The following ITGAE variants were observed in gnomAD, a reference collection of about 807,000 sequenced individuals.
ITGAE encodes integrin alpha-E.
ITGAE carries 99 observed loss-of-function variants against 136.5 expected under a neutral mutation model. That is an observed-to-expected ratio of 0.73 (90% CI 0.62 to 0.86). The LOEUF (loss-of-function observed/expected upper bound fraction) is 0.86, where lower values mean the gene tolerates loss of function less well. ITGAE is among the 40% of genes least tolerant of loss of function. The probability of loss-of-function intolerance (pLI) is 0.00; values close to 1 mark genes in which losing one functional copy is unlikely to be tolerated. For synonymous variants in ITGAE, 613 were observed against 591.8 expected (o/e 1.04, Z -0.52); for missense variants, 1,447 against 1,515.3 (o/e 0.95, Z 0.75).
rs1453350885 is a variant in ITGAE at position 3,798,583 on chromosome 17, G to A, written c.34+2528C>T. Among the ~76,000 whole-genome samples, 6 of 152,214 alleles carry A rather than the reference G, an allele frequency of 3.9e-5. No individual in the cohort carries two copies. Among genetic ancestry groups the A allele is most frequent in the African/African-American group, 1.4e-4 (6 of 41,454 alleles). On this transcript the variant is annotated intron_variant, in intron 1 of 30. Coordinates refer to ENST00000263087, the MANE Select transcript of ITGAE (RefSeq NM_002208.5). This position sits in a 1 kb window ranked among gnomAD's most constrained non-coding sequence, Gnocchi z 4.3. ...CAGTCTCCCACTCCCCAAGGACTGA[G>A]GTTTTCTATCACGCACAGGCCCGGG...
chr17:3,755,446 C>T (rs965848943), intron 11 of ITGAE, among the ~76,000 whole-genome samples, 185 bp from the exon 12 acceptor site: 1 of 152,212 alleles, frequency 6.6e-6, no homozygotes, highest in Non-Finnish European at 1.5e-5. Flanking sequence ...GCTCCTGCCT[C>T]GTGCCCTTGC....
At chr17:3,786,568 T>G (rs1431993499) in intron 1 of ITGAE, among the ~76,000 whole-genome samples, 2 of 152,000 alleles carry the variant, frequency 1.3e-5, no homozygotes, top group Non-Finnish European at 2.9e-5. Flanking sequence ...CTGCACAAAA[T>G]TCCAGTAAAT....
chr17:3,772,210 C>T (rs1218371301), intron 2 of ITGAE, among the ~76,000 whole-genome samples: 5 of 152,176 alleles, frequency 3.3e-5, no homozygotes, highest in African/African-American at 7.2e-5. Flanking sequence ...ACACCTGCCT[C>T]GATGCGCCCC....
At chr17:3,780,519 A>G (rs976915412) in intron 1 of ITGAE, among the ~76,000 whole-genome samples, 1 of 148,904 alleles carries the variant, frequency 6.7e-6, no homozygotes. Flanking sequence ...GCTAGTTTCG[A>G]ACTCCTGACC....
At chr17:3,775,286 A>G (rs1482491545) in intron 2 of ITGAE, among the ~76,000 whole-genome samples, 1 of 151,868 alleles carries the variant, frequency 6.6e-6, no homozygotes, top group African/African-American at 2.4e-5. Flanking sequence ...GCCTTTTTCA[A>G]CTCACGGTAT....
intron 14 of ITGAE, 75 bp downstream of exon 14, chr17:3,753,215 C>T: frequency 6.6e-7 from 1 of 1,526,378 alleles, no homozygotes; most frequent in Non-Finnish European, 8.9e-7. Flanking sequence ...CCAGGGCACT[C>T]CCAGCCTCCA....
chr17:3,771,988 C>G (rs1290869496), intron 2 of ITGAE, among the ~76,000 whole-genome samples: 1 of 130,980 alleles, frequency 7.6e-6, no homozygotes, highest in Non-Finnish European at 1.7e-5. Context: ...TCCAAACCCT[C>G]AGTGCCTGGG....
At chr17:3,781,076 A>C (rs2052656243) in intron 1 of ITGAE, among the ~76,000 whole-genome samples, 1 of 152,220 alleles carries the variant, frequency 6.6e-6, no homozygotes, top group Non-Finnish European at 1.5e-5. Context: ...ACTCATGTAC[A>C]TTATTCATTT....
At chr17:3,783,270 A>G (rs1269122500) in intron 1 of ITGAE, among the ~76,000 whole-genome samples, 1 of 152,160 alleles carries the variant, frequency 6.6e-6, no homozygotes, top group Non-Finnish European at 1.5e-5. Flanking sequence ...TCTCCGGAGT[A>G]GCTGGGATTA....
At chr17:3,746,366 C>G (rs762613318) in intron 17 of ITGAE, among the ~76,000 whole-genome samples, 1 of 152,120 alleles carries the variant, frequency 6.6e-6, no homozygotes, top group African/African-American at 2.4e-5. Flanking sequence ...ACCAGCTCAG[C>G]TAGGGAGAGA....
intron 18 of ITGAE, among the ~76,000 whole-genome samples, chr17:3,745,081 G>A (rs556722986): frequency 3.8e-4 from 58 of 152,082 alleles, no homozygotes; most frequent in Non-Finnish European, 6.6e-4. Context: ...TTTGAGTCCC[G>A]ACATACTTTT....
chr17:3,743,185 T>G (rs2051627034), intron 19 of ITGAE, among the ~76,000 whole-genome samples: 1 of 152,108 alleles, frequency 6.6e-6, no homozygotes. Context: ...CCAAGTGAGG[T>G]CCCCAGGATG....
At chr17:3,743,368 G>T in intron 19 of ITGAE, 121 bp downstream of exon 19, 3 of 1,152,942 alleles carry the variant, frequency 2.6e-6, no homozygotes, top group Non-Finnish European at 3.6e-6. Context: ...ACGGTGAGGG[G>T]CCCAAATGCC....
At chr17:3,764,437 C>T (rs1171409511) in intron 2 of ITGAE, among the ~76,000 whole-genome samples, 1 of 152,226 alleles carries the variant, frequency 6.6e-6, no homozygotes, top group Non-Finnish European at 1.5e-5. Context: ...CGGCTCACGC[C>T]TGTAATCCCA....
Position 3,751,855 on chromosome 17 carries a change from G to A in ITGAE, c.1688C>T (p.Ala563Val), listed in dbSNP as rs1378878219. Residue 563 changes from alanine (A) to valine (V), a missense_variant, in exon 15 of 31, where the codon GCA becomes GTA. Physicochemically the swap from Ala to Val is moderately conservative, Grantham distance 64. Coordinates refer to ENST00000263087, the MANE Select transcript of ITGAE (RefSeq NM_002208.5). ...CCCGGGGTGCCCACTCAGTATGCGT[G>A]CCAAGGAGAAAGAACCATCCTGTAA... ...LSEQDGSFSL[A>V]RILSGHPGFT... 1 of 1,613,752 alleles carries A rather than the reference G, an allele frequency of 6.2e-7. No individual in the cohort carries two copies. The highest frequency in any genetic ancestry group is 1.3e-5 in the African/African-American group (1 of 74,898).
intron 29 of ITGAE, chr17:3,717,381 C>T (rs2050963526): frequency 6.6e-6 from 1 of 152,266 alleles, no homozygotes; most frequent in African/African-American, 2.4e-5. Flanking sequence ...CAAATTATAT[C>T]CATGTGTACT....
At chr17:3,794,152 T>G (rs2053006540) in intron 1 of ITGAE, among the ~76,000 whole-genome samples, 1 of 152,070 alleles carries the variant, frequency 6.6e-6, no homozygotes, top group African/African-American at 2.4e-5. Flanking sequence ...CTAATTTTTG[T>G]ATTTTTAGTA....
At chr17:3,724,865 G>A in intron 26 of ITGAE, 1 of 1,613,964 alleles carries the variant, frequency 6.2e-7, no homozygotes, top group South Asian at 1.1e-5. Context: ...AGGCCGTCCG[G>A]AGAGAGCATC....
chr17:3,755,883 C>T lies in ITGAE; in HGVS notation c.1186G>A (p.Ala396Thr), dbSNP rs377134736. 11 of 1,596,730 alleles carry T rather than the reference C, an allele frequency of 6.9e-6. No individual in the cohort carries two copies. The highest frequency in any genetic ancestry group is 1.7e-5 in the Admixed American group (1 of 57,246). ...ATCTGTGCCAGCTGGTAGTGAAGGG[C>T]GTCTCCAACCGTGCCTGCAAGCCAA... ...IISMEGTVGD[A>T]LHYQLAQIGF... is the part of the protein sequence containing the mutation. The change falls in exon 11 of 31, where the codon GCC (alanine) becomes ACC (threonine). Residue 396 changes from alanine to threonine, a missense_variant. Coordinates refer to ENST00000263087, the MANE Select transcript of ITGAE (RefSeq NM_002208.5).
Sources: allele counts gnomAD v4.1 joint callset (sites outside exome capture counted in the v4.1 genomes callset), GRCh38; gene constraint gnomAD v4.1.1; non-coding constraint Gnocchi (gnomAD v3.1); transcripts MANE v1.5; gene names NCBI Gene and HGNC (gene_info 2026-07-23, HGNC 2026-07-21).